Variants in RASSF3 observed in about 807,000 individuals in gnomAD.
RASSF3 encodes the protein Ras association domain family member 3.
RASSF3 carries 19 observed loss-of-function variants against 19.9 expected under a neutral mutation model. That is an observed-to-expected ratio of 0.96 (90% CI 0.67 to 1.40). The LOEUF (loss-of-function observed/expected upper bound fraction) is 1.40. RASSF3 is among the 40% of genes most tolerant of loss of function. The pLI, the probability that RASSF3 is intolerant of heterozygous loss-of-function variation, is 0.00. For missense variants in RASSF3, 306 were observed against 289.8 expected (o/e 1.06, Z -0.41); for synonymous variants, 110 against 104.2 (o/e 1.06, Z -0.34).
At chr12:64,563,957 T>A (rs1592401999) in intron 2 of RASSF3, among the ~76,000 whole-genome samples, 1 of 152,208 alleles carries the variant, frequency 6.6e-6, no homozygotes, top group South Asian at 2.1e-4. Flanking sequence ...GGGCTCTGTC[T>A]GTTTTGCTCA....
chr12:64,644,550 A>G (rs1871662811), intron 1 of RASSF3, among the ~76,000 whole-genome samples: 1 of 151,794 alleles, frequency 6.6e-6, no homozygotes. Context: ...TACAAAAATT[A>G]GCTGGGCGTG....
intron 2 of RASSF3, among the ~76,000 whole-genome samples, chr12:64,566,200 C>CA (rs1393945183): frequency 6.6e-6 from 1 of 151,542 alleles, no homozygotes; most frequent in Non-Finnish European, 1.5e-5. Context: ...GACTCTGTCT[C>CA]AAAAAAAAGT....
intron 1 of RASSF3, among the ~76,000 whole-genome samples, chr12:64,655,502 CAG>C (rs766682615): frequency 6.6e-6 from 1 of 151,896 alleles, no homozygotes; most frequent in Non-Finnish European, 1.5e-5. Context: ...AAAATAGAGA[CAG>C]GGTCTCAGTA....
At chr12:64,516,781 T>C (rs537483847) in intron 1 of RASSF3, among the ~76,000 whole-genome samples, 17 of 151,798 alleles carry the variant, frequency 1.1e-4, no homozygotes, top group African/African-American at 3.9e-4. Flanking sequence ...GGGTGGATCA[T>C]CTGAGGTCAG....
chr12:64,577,001 C>CA (rs1565842080), intron 2 of RASSF3, among the ~76,000 whole-genome samples: 1 of 151,912 alleles, frequency 6.6e-6, no homozygotes, highest in African/African-American at 2.4e-5. Context: ...GGGTGTTTTG[C>CA]AAAAAATAAA....
intron 2 of RASSF3, among the ~76,000 whole-genome samples, chr12:64,578,441 G>A (rs1265170920): frequency 6.6e-6 from 1 of 152,038 alleles, no homozygotes; most frequent in Non-Finnish European, 1.5e-5. Context: ...ACTGCTTGAG[G>A]CCAGGAGTTC....
upstream of RASSF3, among the ~76,000 whole-genome samples, chr12:64,529,544 C>T (rs1343624753): frequency 5.3e-5 from 8 of 152,118 alleles, no homozygotes; most frequent in Admixed American, 5.2e-4. Context: ...CATCCTGCAA[C>T]CATGAGAGAA....
At chr12:64,514,108 C>T (rs1365608427) in intron 1 of RASSF3, among the ~76,000 whole-genome samples, 3 of 149,142 alleles carry the variant, frequency 2.0e-5, no homozygotes, top group East Asian at 4.0e-4. Flanking sequence ...AGGCTGGTCT[C>T]GAACTCCTGA....
chr12:64,590,065 CAAA>C (rs10578124), intron 2 of RASSF3, among the ~76,000 whole-genome samples: 53,155 of 133,298 alleles, frequency 0.4, 10,780 homozygotes, highest in Non-Finnish European at 0.47. Context: ...ACTCTTATCT[CAAA>C]AAAAAAAAAA....
intron 2 of RASSF3, among the ~76,000 whole-genome samples, chr12:64,566,977 A>G (rs1013974655): frequency 6.6e-6 from 1 of 152,212 alleles, no homozygotes; most frequent in Admixed American, 6.5e-5. Flanking sequence ...CTTGAATCCT[A>G]TCCTTTGGCA....
Position 64,694,876 on chromosome 12 carries a change from G to A in RASSF3, c.681G>A (p.Leu227=), listed in dbSNP as rs1260639086. The A allele has an allele frequency of 6.2e-7, 1 of 1,614,246 alleles. No individual in the cohort carries two copies. The highest frequency in any genetic ancestry group is 1.3e-5 in the African/African-American group (1 of 75,066). ...GCTACACAGCCTACAGGCAGAAGCT[G>A]GAAGAAGCCCTCCGTGAGGTGTGGA... The part of the protein sequence containing the change: ...KRRYTAYRQK[L]EEALREVWKP... Residue 227 remains leucine (L), a synonymous_variant, in exon 5 of 5, where the codon CTG becomes CTA. Coordinates refer to ENST00000542104, the MANE Select transcript of RASSF3 (RefSeq NM_178169.4).
rs763276110 is a variant in RASSF3, at chr12:64,688,245, T to G, written c.249T>G (p.Ile83Met). Residue 83 changes from isoleucine to methionine, a missense_variant, in exon 3 of 5, where the codon ATT becomes ATG. Physicochemically the swap from Ile to Met is conservative, Grantham distance 10. Coordinates refer to ENST00000542104, the MANE Select transcript of RASSF3 (RefSeq NM_178169.4). ...CAAATGGGATTTACACTGGCTTCAT[T>G]AAAGTACAGATGGAACTCTGCAAAC... ...LNSNGIYTGF[I>M]KVQMELCKPP... 2 of 1,614,102 alleles carry G rather than the reference T, an allele frequency of 1.2e-6. No individual in the cohort carries two copies. The highest frequency in any genetic ancestry group is 8.5e-7 in the Non-Finnish European group (1 of 1,179,938).
At chr12:64,643,892 C>T (rs1184555703) in intron 1 of RASSF3, among the ~76,000 whole-genome samples, 2 of 152,136 alleles carry the variant, frequency 1.3e-5, no homozygotes, top group African/African-American at 4.8e-5. Context: ...CAAAGTAAAG[C>T]TTCATTGTTG....
downstream of RASSF3, among the ~76,000 whole-genome samples, chr12:64,543,361 C>T (rs1282330346): frequency 1.4e-5 from 2 of 146,126 alleles, no homozygotes; most frequent in Non-Finnish European, 3.1e-5. Flanking sequence ...GCCTTAGCTG[C>T]CTCCCCACGG....
intron 1 of RASSF3, among the ~76,000 whole-genome samples, chr12:64,520,111 G>C (rs1868436009): frequency 6.6e-6 from 1 of 151,722 alleles, no homozygotes. Context: ...GTACTCAGTA[G>C]ATGGTAGCCT....
chr12:64,514,824 G>T (rs1868351342), intron 1 of RASSF3, among the ~76,000 whole-genome samples: 2 of 152,236 alleles, frequency 1.3e-5, no homozygotes, highest in Admixed American at 1.3e-4. Flanking sequence ...CTGAGAGAAA[G>T]AAACATTAGC....
intron 2 of RASSF3, among the ~76,000 whole-genome samples, chr12:64,561,990 T>TTTATTTAG (rs1869355781): frequency 1.1e-5 from 1 of 91,482 alleles, no homozygotes; most frequent in African/African-American, 3.2e-5. Flanking sequence ...GCCCATAGTA[T>TTTATTTAG]TTATTTATTT....
At chr12:64,524,278 G>T (rs1868539397) in intron 1 of RASSF3, among the ~76,000 whole-genome samples, 1 of 150,164 alleles carries the variant, frequency 6.7e-6, no homozygotes. Context: ...GTAGAATCAG[G>T]ATTTCACCAT....
In RASSF3 at chr12:64,697,273, G is replaced by GA. The variant is rs1304088683; in HGVS notation, c.*2367dup. On this transcript the variant is annotated 3_prime_UTR_variant, in exon 5 of 5. Transcript: ENST00000542104. ...GCAGCATTTTTAATGTGTAAGTGAA[G>GA]AAAAAAGGCCACTAAGGCCAAAGAT... 1 of 151,984 alleles carries GA rather than the reference G, an allele frequency of 6.6e-6. No individual in the cohort carries two copies. The highest frequency in any genetic ancestry group is 1.5e-5 in the Non-Finnish European group (1 of 67,988). 9.4% of individuals were successfully genotyped at this position (151,984 alleles called of 1,614,324 possible). A position where few individuals can be genotyped will look rare whatever the true frequency, so the allele number is the denominator to read the frequency against.
Sources: allele counts gnomAD v4.1 joint callset (sites outside exome capture counted in the v4.1 genomes callset), GRCh38; gene constraint gnomAD v4.1.1; transcripts MANE v1.5; gene names NCBI Gene and HGNC (gene_info 2026-07-23, HGNC 2026-07-21).